NR4A1: variants seen among roughly 807,000 people sequenced by gnomAD.
NR4A1 encodes nuclear receptor subfamily 4 group A member 1, also known as nuclear receptor subfamily 4immunitygroup A member 1.
A neutral mutation model predicts 47.5 loss-of-function variants in NR4A1; 24 were observed. That is an observed-to-expected ratio of 0.50 (90% CI 0.37 to 0.71). The LOEUF is 0.71. Among genes scored for constraint, NR4A1 ranks in the 30% least tolerant of loss-of-function variants. The pLI is 0.00. For synonymous variants in NR4A1, 353 were observed against 345.7 expected, an observed-to-expected ratio of 1.02 and a Z score of -0.24; for missense variants, 669 against 788.6, an observed-to-expected ratio of 0.85 and a Z score of 1.82.
intron 2 of NR4A1, among the ~76,000 whole-genome samples, chr12:52,044,285 C>A (rs1262108769): frequency 6.6e-6 from 1 of 152,242 alleles, no homozygotes; most frequent in Non-Finnish European, 1.5e-5. Flanking sequence ...CCCTGAGCCC[C>A]CACTAGTTGG....
Position 52,056,532 on chromosome 12 carries a change from C to G in NR4A1, c.1045C>G (p.Leu349Val), listed in dbSNP as rs1257982276. ...CAGCCTGAAGGGGCGGCGGGGCCGG[C>G]TACCTTCAAAACCCAAGCAGCCCCC... is the stretch of plus-strand genomic sequence containing the variant. Reference protein sequence around the residue: ...TDSLKGRRGRLPSKPKQPPDA... With the variant: ...TDSLKGRRGRVPSKPKQPPDA... The change falls in exon 4 of 7, where the codon CTA becomes GTA. Residue 349 changes from leucine (L) to valine (V), a missense_variant. By Grantham distance (32) the Leu-to-Val change is conservative (BLOSUM62 1). Transcript: ENST00000394825. The G allele has an allele frequency of 6.2e-7, 1 of 1,613,502 alleles. No homozygotes were observed. Among genetic ancestry groups the G allele is most frequent in the African/African-American group, 1.3e-5 (1 of 74,896 alleles).
chr12:52,027,287 G>A (rs1160743301), intron 1 of NR4A1, among the ~76,000 whole-genome samples: 2 of 152,248 alleles, frequency 1.3e-5, no homozygotes, highest in Non-Finnish European at 1.5e-5. Context: ...TCAGCTGACC[G>A]CCCTGTGCTC....
At position 52,037,713 on chromosome 12, in the gene NR4A1, C is replaced by T. The variant is rs557180264; in HGVS notation, c.-83-4097C>T. On this transcript the variant is annotated intron_variant, in intron 1 of 7. Transcript: ENST00000360284. The stretch of plus-strand genomic sequence containing the variant: ...GTGGCCAGGCCAGAGAAATTCCTTC[C>T]ATTTCTCCGCCGGCTGCGGGAACCG... The T allele has an allele frequency of 6.1e-5, 60 of 985,466 alleles. No homozygotes were observed. In the African/African-American group the frequency reaches 8.5e-4, roughly 14 times the overall value. The allele number at this position is 985,466 out of a possible 1,614,324, so 61.0% of individuals were successfully genotyped here. A position where few individuals can be genotyped will look rare whatever the true frequency, so the allele number is the denominator to read the frequency against.
Position 52,059,010 on chromosome 12 carries a change from C to G in NR4A1, c.*66C>G. 1 of 1,536,234 alleles carries G rather than the reference C, an allele frequency of 6.5e-7. No homozygotes were observed. The highest frequency in any genetic ancestry group is 8.8e-7 in the Non-Finnish European group (1 of 1,135,624). On this transcript the variant is annotated 3_prime_UTR_variant, in exon 7 of 7. Transcript: ENST00000394825. ...TGCCACCCCATGTGCCTTTAGTCCA[C>G]GGACCCCCAGAGCACCCCCAAGCCT...
intron 1 of NR4A1, among the ~76,000 whole-genome samples, chr12:52,025,637 C>T (rs1339072549): frequency 6.6e-6 from 1 of 152,196 alleles, no homozygotes; most frequent in Non-Finnish European, 1.5e-5. Context: ...GTGCCGTTCT[C>T]TTATAAATGT....
chr12:52,050,585 G>C (rs1938871909), upstream of NR4A1, among the ~76,000 whole-genome samples: 1 of 152,258 alleles, frequency 6.6e-6, no homozygotes, highest in South Asian at 2.1e-4. Context: ...AGGGGCTGGG[G>C]AGGGGACGGT....
chr12:52,054,992 G>A lies in NR4A1; in HGVS notation c.664G>A (p.Glu222Lys), dbSNP rs1295122705. 9.9e-6 allele frequency: 16 copies of A among 1,614,136 alleles called. No individual in the cohort carries two copies. The highest frequency in any genetic ancestry group is 1.7e-5 in the Admixed American group (1 of 60,010). Reference protein sequence around the residue: ...SQATHQLGEGESYSMPTAFPG... With the variant: ...SQATHQLGEGKSYSMPTAFPG... ...GGCCACCCACCAGCTGGGGGAGGGA[G>A]AGAGCTATTCCATGCCTACGGCCTT... The change falls in exon 2 of 7, where the codon GAG (glutamate) becomes AAG (lysine). Residue 222 changes from glutamate to lysine, a missense_variant. Glu to Lys is a moderately conservative substitution (Grantham distance 56, BLOSUM62 1). Transcript: ENST00000394825.
intron 1 of NR4A1, among the ~76,000 whole-genome samples, chr12:52,040,356 G>A (rs1938388217): frequency 6.6e-6 from 1 of 152,208 alleles, no homozygotes; most frequent in South Asian, 2.1e-4. Flanking sequence ...GGGCACTCAG[G>A]TTGGGCCTGA....
At position 52,056,121 on chromosome 12, in the gene NR4A1, G is replaced by A. The variant is rs1419331301; in HGVS notation, c.968G>A (p.Arg323His). 6.2e-7 allele frequency: 1 copy of A among 1,611,572 alleles called. No homozygotes were observed. ...KRRRNRCQFC[R>H]FQKCLAVGMV... Reference sequence around the variant, plus strand: ...CGGCGAAACCGCTGCCAGTTCTGCCGCTTCCAGAAGTGCCTGGCGGTGGGC... The same window carrying A: ...CGGCGAAACCGCTGCCAGTTCTGCCACTTCCAGAAGTGCCTGGCGGTGGGC... Residue 323 changes from arginine (R) to histidine (H), a missense_variant, in exon 3 of 7, where the codon CGC becomes CAC. Coordinates refer to ENST00000394825, the MANE Select transcript of NR4A1 (RefSeq NM_173157.3).
intron 3 of NR4A1, 102 bp downstream of exon 3, chr12:52,056,261 A>T (rs1939267929): frequency 2.0e-6 from 3 of 1,476,814 alleles, no homozygotes; most frequent in Non-Finnish European, 1.8e-6. Context: ...AGAGGAGGGC[A>T]CGTCTTATTT....
chr12:52,053,979 T>G (rs2120461000), intron 1 of NR4A1: 8 of 239,328 alleles, frequency 3.3e-5, no homozygotes, highest in East Asian at 8.8e-5. Context: ...GCCTTCCCCA[T>G]GGGGGAGGGG....
At chr12:52,050,487 A>C (rs1555168384), upstream of NR4A1, among the ~76,000 whole-genome samples, 1 of 152,208 alleles carries the variant, frequency 6.6e-6, no homozygotes, top group Non-Finnish European at 1.5e-5. Context: ...AAAATGAGGA[A>C]GAGTTGGCAC....
chr12:52,058,407 C>T, intron 6 of NR4A1: 1 of 476,990 alleles, frequency 2.1e-6, no homozygotes, highest in Middle Eastern at 5.4e-4. Context: ...ATGATCTAGC[C>T]AGAAAACGTA....
chr12:52,024,386 C>G (rs1331238959), intron 1 of NR4A1, among the ~76,000 whole-genome samples: 1 of 152,136 alleles, frequency 6.6e-6, no homozygotes, highest in Non-Finnish European at 1.5e-5. Context: ...CTTTTTTTCT[C>G]TCTCTCCAAG....
rs1939419690 is a variant in NR4A1, at chr12:52,058,927, G to C, written c.1780G>C (p.Asp594His). 1.2e-6 allele frequency: 2 copies of C among 1,612,536 alleles called. No individual in the cohort carries two copies. The highest frequency in any genetic ancestry group is 1.1e-5 in the South Asian group (1 of 91,042). Residue 594 changes from aspartate (D) to histidine (H), a missense_variant, in exon 7 of 7, where the codon GAC becomes CAC. Transcript: ENST00000394825. The stretch of plus-strand genomic sequence containing the variant: ...ACCCATCATTGACAAGATCTTCATG[G>C]ACACGCTGCCCTTCTGACCCCTGCC... ...PPPIIDKIFM[D>H]TLPF
intron 2 of NR4A1, among the ~76,000 whole-genome samples, chr12:52,044,536 C>CT (rs896988350): frequency 3.3e-5 from 5 of 152,356 alleles, no homozygotes; most frequent in Non-Finnish European, 5.9e-5. Context: ...CCTGTGCTCT[C>CT]CTTCCCAGTT....
At chr12:52,037,998 A>G (rs1461474687) in intron 1 of NR4A1, 18 of 984,320 alleles carry the variant, frequency 1.8e-5, no homozygotes, top group African/African-American at 3.5e-5. Context: ...GACCTCCTCC[A>G]TGGTGGTCTG....
At chr12:52,027,775 C>T (rs1056491570) in intron 1 of NR4A1, among the ~76,000 whole-genome samples, 2 of 152,222 alleles carry the variant, frequency 1.3e-5, no homozygotes, top group African/African-American at 4.8e-5. Context: ...ACTCTGATGC[C>T]CACTGCAGAG....
At chr12:52,036,797 C>A (rs1430381635) in intron 1 of NR4A1, among the ~76,000 whole-genome samples, 1 of 145,764 alleles carries the variant, frequency 6.9e-6, no homozygotes, top group African/African-American at 2.8e-5. Context: ...GCAGCCGAAT[C>A]GCTGTGACTT....
Sources: allele counts gnomAD v4.1 joint callset (sites outside exome capture counted in the v4.1 genomes callset), GRCh38; gene constraint gnomAD v4.1.1; transcripts MANE v1.5; gene names NCBI Gene and HGNC (gene_info 2026-07-23, HGNC 2026-07-21).